The following FRMPD4 variants were observed in gnomAD, a reference collection of about 807,000 sequenced individuals.
FRMPD4 encodes FERM and PDZ domain-containing protein 4.
Under a neutral mutation model 94.1 loss-of-function variants are expected in FRMPD4, and 22 were observed. That is an observed-to-expected ratio of 0.23 (90% confidence interval 0.17 to 0.33). The LOEUF (loss-of-function observed/expected upper bound fraction) is 0.33. FRMPD4 is among the 10% of genes least tolerant of loss of function. FRMPD4 has a pLI of 1.00. For synonymous variants in FRMPD4, 631 were observed against 548.6 expected, an observed-to-expected ratio of 1.15 and a Z score of -2.10; for missense variants, 1,111 against 1,339.9, an observed-to-expected ratio of 0.83 and a Z score of 2.67.
intron 1 of FRMPD4, among the ~76,000 whole-genome samples, chrX:12,164,812 T>C (rs1454480889): frequency 1.2e-4 from 14 of 112,808 alleles, no homozygotes; most frequent in African/African-American, 4.5e-4. Context: ...ATGACAAGCA[T>C]TTTTTCATGT....
At chrX:12,327,429 T>C (rs2055305634) in intron 1 of FRMPD4, among the ~76,000 whole-genome samples, 1 of 112,266 alleles carries the variant, frequency 8.9e-6, no homozygotes, top group Non-Finnish European at 1.9e-5. Context: ...GTTGGTAATA[T>C]GACTGTTCTT....
At chrX:12,018,253 G>A (rs1226264369) in intron 3 of FRMPD4, among the ~76,000 whole-genome samples, 1 of 110,839 alleles carries the variant, frequency 9.0e-6, no homozygotes, top group African/African-American at 3.3e-5. Flanking sequence ...TCTGTATCAT[G>A]CCTTTCTCTC....
At position 11,911,293 on chromosome X, in the gene FRMPD4, C is replaced by T. The variant is rs188233479; in HGVS notation, c.95+33275C>T. On this transcript the variant is annotated intron_variant, in intron 3 of 18. Transcript: ENST00000640291. ...CCTGTCTCAATTCAAATACTGACTT[C>T]GTTTGTCTCTGTACATATGTTTGGT... 5.4e-3 allele frequency among the ~76,000 whole-genome samples: 607 copies of T among 112,238 alleles called. 4 individuals carry two copies. The highest frequency in any genetic ancestry group is 0.019 in the African/African-American group (585 of 30,860).
chrX:12,605,622 A>G (rs2059125065), intron 2 of FRMPD4, among the ~76,000 whole-genome samples: 1 of 110,011 alleles, frequency 9.1e-6, no homozygotes, highest in South Asian at 3.9e-4. Flanking sequence ...TTTACTCCTC[A>G]CCACCCTGCC....
chrX:11,838,161 G>A (rs1370213050), intron 1 of FRMPD4, among the ~76,000 whole-genome samples: 1 of 111,314 alleles, frequency 9.0e-6, no homozygotes, highest in African/African-American at 3.3e-5. Context: ...ACACCACAAA[G>A]ATCTGCTACA....
At chrX:12,222,198 A>G (rs1389659495) in intron 1 of FRMPD4, among the ~76,000 whole-genome samples, 1 of 111,374 alleles carries the variant, frequency 9.0e-6, no homozygotes, top group Non-Finnish European at 1.9e-5. Flanking sequence ...GAAAATAAAT[A>G]TACTAAAATA....
At chrX:12,464,479 CATCT>C (rs1264805385) in intron 1 of FRMPD4, among the ~76,000 whole-genome samples, 1 of 112,331 alleles carries the variant, frequency 8.9e-6, no homozygotes, top group African/African-American at 3.2e-5. Context: ...TTATAATAGA[CATCT>C]ATTATTAGGA....
chrX:12,491,134 G>A (rs1489776367), intron 1 of FRMPD4, among the ~76,000 whole-genome samples: 1 of 110,281 alleles, frequency 9.1e-6, no homozygotes. Context: ...TTTCTCCAGC[G>A]ATTCCACCAA....
At chrX:12,581,959 T>C (rs1227674515) in intron 2 of FRMPD4, among the ~76,000 whole-genome samples, 1 of 112,100 alleles carries the variant, frequency 8.9e-6, no homozygotes, top group African/African-American at 3.2e-5. Context: ...CTCATTAGCC[T>C]CTGACTTGGT....
At chrX:12,482,704 C>A (rs1602008304) in intron 1 of FRMPD4, among the ~76,000 whole-genome samples, 1 of 112,441 alleles carries the variant, frequency 8.9e-6, no homozygotes, top group African/African-American at 3.2e-5. Flanking sequence ...CTAAATTTTT[C>A]TTTTAATATG....
At chrX:12,220,372 C>T (rs749538249) in intron 1 of FRMPD4, among the ~76,000 whole-genome samples, 2 of 111,511 alleles carry the variant, frequency 1.8e-5, no homozygotes, top group Admixed American at 9.5e-5. Flanking sequence ...TATGTACAAC[C>T]GTGAGTGTGC....
At chrX:12,664,642 A>G (rs1245272292) in intron 4 of FRMPD4, among the ~76,000 whole-genome samples, 1 of 112,056 alleles carries the variant, frequency 8.9e-6, no homozygotes, top group Non-Finnish European at 1.9e-5. Context: ...GATGTTCATC[A>G]GGGATATTGG....
intron 1 of FRMPD4, among the ~76,000 whole-genome samples, chrX:12,479,245 T>C (rs1053430318): frequency 3.3e-4 from 36 of 108,355 alleles, no homozygotes; most frequent in Middle Eastern, 4.7e-3. Flanking sequence ...GCCATCCTTT[T>C]GTGTTTGGTA....
chrX:12,331,807 ATATTTATATACTATATATAAATTATATAT>A (rs1569234335), intron 1 of FRMPD4, among the ~76,000 whole-genome samples: 9 of 35,194 alleles, frequency 2.6e-4, no homozygotes, highest in South Asian at 1.6e-3. Flanking sequence ...TAAATTATAT[ATATTTATATACTATATATAAATTATATAT>A]ATTTATATAC....
intron 4 of FRMPD4, among the ~76,000 whole-genome samples, chrX:12,668,856 C>T (rs1021162336): frequency 9.0e-6 from 1 of 111,105 alleles, no homozygotes; most frequent in African/African-American, 3.3e-5. Flanking sequence ...CCACCCGCCT[C>T]GGCCTCCCAA....
At chrX:12,663,891 G>T (rs1179692781) in intron 4 of FRMPD4, among the ~76,000 whole-genome samples, 1 of 112,007 alleles carries the variant, frequency 8.9e-6, no homozygotes, top group Non-Finnish European at 1.9e-5. Flanking sequence ...GCAGTGGTTT[G>T]TAGTTCTCCT....
chrX:12,626,711 T>C (rs2059350033), intron 4 of FRMPD4, among the ~76,000 whole-genome samples: 1 of 103,655 alleles, frequency 9.6e-6, no homozygotes. Flanking sequence ...TTGATTTTAG[T>C]AGGGAGTTGT....
intron 1 of FRMPD4, among the ~76,000 whole-genome samples, chrX:12,277,566 T>C (rs1380620305): frequency 1.8e-5 from 2 of 112,164 alleles, no homozygotes; most frequent in Non-Finnish European, 3.8e-5. Flanking sequence ...GTGATAAGAC[T>C]GTTACTTTTC....
At chrX:12,498,939 C>CTGCT (rs2057885995) in intron 2 of FRMPD4, 143 bp downstream of exon 2, 1 of 281,349 alleles carries the variant, frequency 3.6e-6, no homozygotes, top group Non-Finnish European at 6.4e-6. Flanking sequence ...CTTAAGCCAG[C>CTGCT]TGCTTATATT....
Sources: gnomAD v4.1 joint callset for allele counts (sites outside exome capture counted in the v4.1 genomes callset) on GRCh38, gnomAD v4.1.1 for gene constraint, MANE v1.5 for transcripts, NCBI Gene and HGNC (gene_info 2026-07-23, HGNC 2026-07-21) for gene names.